Variants in AFF3 observed in about 807,000 individuals in gnomAD.
The protein encoded by AFF3 is AF4/FMR2 family member 3.
Under a neutral mutation model 129.7 loss-of-function variants are expected in AFF3, and 32 were observed. The ratio of observed to expected loss-of-function variants is 0.25; its 90% CI spans 0.19 to 0.33. AFF3 has a LOEUF of 0.33. Ranked by LOEUF, AFF3 falls within the 10% of genes least tolerant of loss-of-function variation. AFF3 has a pLI of 1.00. For synonymous variants in AFF3, 644 were observed against 635.4 expected (o/e 1.01, Z -0.20); for missense variants, 1,373 against 1,592.0 (o/e 0.86, Z 2.34).
intron 7 of AFF3, among the ~76,000 whole-genome samples, chr2:99,988,012 T>C (rs1680015138): frequency 6.6e-6 from 1 of 152,130 alleles, no homozygotes; most frequent in African/African-American, 2.4e-5. Flanking sequence ...TAAGAGAGCA[T>C]GCCAGCCCTC....
At chr2:99,699,706 C>T (rs1447412753) in intron 11 of AFF3, among the ~76,000 whole-genome samples, 1 of 152,160 alleles carries the variant, frequency 6.6e-6, no homozygotes, top group Non-Finnish European at 1.5e-5. Context: ...AAGTGCAAAA[C>T]AGGATTATGG....
chr2:100,017,862 A>C (rs1296768322), intron 4 of AFF3, among the ~76,000 whole-genome samples: 2 of 152,260 alleles, frequency 1.3e-5, no homozygotes, highest in Admixed American at 1.3e-4. Context: ...ACTCTGCTCC[A>C]CTGCCTCCCT....
At chr2:99,953,304 G>GA (rs1265341012) in intron 7 of AFF3, among the ~76,000 whole-genome samples, 2 of 151,674 alleles carry the variant, frequency 1.3e-5, no homozygotes. Flanking sequence ...TCCTCCACTG[G>GA]AAAAAAAATG....
intron 13 of AFF3, among the ~76,000 whole-genome samples, chr2:99,628,069 A>T (rs1006265152): frequency 2.0e-5 from 3 of 152,172 alleles, no homozygotes; most frequent in Non-Finnish European, 4.4e-5. Flanking sequence ...GTTTCATATG[A>T]ACTTTAAAAT....
At chr2:99,710,050 C>T (rs1012780642) in intron 11 of AFF3, among the ~76,000 whole-genome samples, 1 of 152,230 alleles carries the variant, frequency 6.6e-6, no homozygotes, top group Non-Finnish European at 1.5e-5. Context: ...TGGGTGAGCT[C>T]TCTCTGCCTT....
intron 13 of AFF3, among the ~76,000 whole-genome samples, chr2:99,645,459 T>C (rs1684611459): frequency 6.6e-6 from 1 of 152,196 alleles, no homozygotes; most frequent in Non-Finnish European, 1.5e-5. Context: ...CTCTCAGTGG[T>C]ATAAAATAGA....
At chr2:100,114,294 G>A (rs1302983102) in intron 2 of AFF3, among the ~76,000 whole-genome samples, 1 of 152,226 alleles carries the variant, frequency 6.6e-6, no homozygotes, top group East Asian at 1.9e-4. Context: ...AATTCAAAAT[G>A]TTGACAGCAG....
intron 11 of AFF3, among the ~76,000 whole-genome samples, chr2:99,701,094 G>A (rs1266102293): frequency 6.6e-6 from 1 of 152,220 alleles, no homozygotes; most frequent in Non-Finnish European, 1.5e-5. Flanking sequence ...GAATGCCACA[G>A]TGGCCGGAGC....
chr2:99,945,833 C>A (rs1675509835), intron 7 of AFF3, among the ~76,000 whole-genome samples: 1 of 152,162 alleles, frequency 6.6e-6, no homozygotes, highest in Non-Finnish European at 1.5e-5. Flanking sequence ...AAAACAAAGG[C>A]TGTCAACAAA....
chr2:99,971,715 G>A (rs768892631), intron 7 of AFF3, among the ~76,000 whole-genome samples: 2 of 152,098 alleles, frequency 1.3e-5, no homozygotes, highest in Non-Finnish European at 2.9e-5. Flanking sequence ...GGGCATTTTG[G>A]TTTAAATAAT....
In AFF3 at chr2:99,560,449, G is replaced by A. The variant is rs376573201; in HGVS notation, c.3120-13C>T. 1.3e-5 allele frequency: 21 copies of A among 1,609,826 alleles called. No homozygotes were observed. In the African/African-American group the frequency reaches 1.3e-4, roughly 10 times the overall value. On this transcript the variant is annotated splice_polypyrimidine_tract_variant and intron_variant, in intron 20 of 24. Transcript: ENST00000672756. ...TCTCATAGCATACCTTAGAAAAAGC[G>A]GGGAGGAGGAATAGAATAAAAAACA... is the stretch of plus-strand genomic sequence containing the variant.
intron 8 of AFF3, among the ~76,000 whole-genome samples, chr2:99,763,639 C>A (rs575280782): frequency 6.6e-6 from 1 of 152,106 alleles, no homozygotes; most frequent in Admixed American, 6.5e-5. Context: ...GAAAAAAGTG[C>A]CTTTAAAAAA....
intron 7 of AFF3, among the ~76,000 whole-genome samples, chr2:99,956,652 C>G (rs746962510): frequency 6.6e-5 from 10 of 152,176 alleles, no homozygotes; most frequent in African/African-American, 9.6e-5. Flanking sequence ...TTTGACAACT[C>G]AAAATTATAC....
chr2:99,690,478 G>A (rs1009204437), intron 11 of AFF3, among the ~76,000 whole-genome samples: 3 of 152,066 alleles, frequency 2.0e-5, no homozygotes, highest in Non-Finnish European at 4.4e-5. Flanking sequence ...ACCACGCTCG[G>A]CCAATAACCA....
chr2:99,950,596 T>C (rs1160698018), intron 7 of AFF3, among the ~76,000 whole-genome samples: 2 of 152,212 alleles, frequency 1.3e-5, no homozygotes, highest in Non-Finnish European at 2.9e-5. Context: ...TTCTTCTCTT[T>C]CACTAAATTG....
chr2:99,579,770 C>G (rs1028282069), intron 17 of AFF3, among the ~76,000 whole-genome samples: 1 of 152,104 alleles, frequency 6.6e-6, no homozygotes, highest in African/African-American at 2.4e-5. Context: ...ATGGAACACA[C>G]TAGTCTGTGG....
At chr2:99,803,613 T>C (rs1007770774) in intron 8 of AFF3, among the ~76,000 whole-genome samples, 1 of 152,074 alleles carries the variant, frequency 6.6e-6, no homozygotes, top group African/African-American at 2.4e-5. Context: ...AAAAAGAGGC[T>C]GAAGAGCCAA....
chr2:99,921,510 G>T (rs1220300358), intron 7 of AFF3, among the ~76,000 whole-genome samples: 1 of 152,128 alleles, frequency 6.6e-6, no homozygotes. Flanking sequence ...TTCATTTCTT[G>T]GTTTTAATAA....
At chr2:99,789,395 C>CT (rs1212532518) in intron 8 of AFF3, among the ~76,000 whole-genome samples, 5 of 131,728 alleles carry the variant, frequency 3.8e-5, no homozygotes, top group Non-Finnish European at 7.7e-5. Context: ...CTGCAGTGAG[C>CT]TAACTATGCC....
Sources: allele counts gnomAD v4.1 joint callset (sites outside exome capture counted in the v4.1 genomes callset), GRCh38; gene constraint gnomAD v4.1.1; transcripts MANE v1.5; gene names NCBI Gene and HGNC (gene_info 2026-07-23, HGNC 2026-07-21).